HSPG2: variants seen among roughly 807,000 people sequenced by gnomAD.
The protein encoded by HSPG2 is basement membrane-specific heparan sulfate proteoglycan core protein.
HSPG2 carries 278 observed loss-of-function variants against 526.6 expected under a neutral mutation model. The ratio of observed to expected loss-of-function variants is 0.53; its 90% CI spans 0.48 to 0.58. The LOEUF (loss-of-function observed/expected upper bound fraction) is 0.58, where lower values mean the gene tolerates loss of function less well. Among genes scored for constraint, HSPG2 ranks in the 20% least tolerant of loss-of-function variants. HSPG2 has a pLI of 0.00. For missense variants in HSPG2, 5,354 were observed against 6,099.5 expected (o/e 0.88, Z 4.07); for synonymous variants, 2,465 against 2,555.4 (o/e 0.96, Z 1.07).
At chr1:21,842,625 G>T in intron 67 of HSPG2, 145 bp downstream of exon 67, 1 of 1,097,706 alleles carries the variant, frequency 9.1e-7, no homozygotes, top group Non-Finnish European at 1.3e-6. Flanking sequence ...CTCCTGATTT[G>T]CAGGCTGGTG....
At chr1:21,901,077 C>T (rs1281308063) in intron 1 of HSPG2, among the ~76,000 whole-genome samples, 1 of 152,082 alleles carries the variant, frequency 6.6e-6, no homozygotes, top group Non-Finnish European at 1.5e-5. Context: ...GGCACATGCT[C>T]TATGTCACCT....
Position 21,867,729 on chromosome 1 carries a change from CT to C in HSPG2, c.4222-1921del, listed in dbSNP as rs920500058. On this transcript the variant is annotated intron_variant, in intron 33 of 96. Coordinates refer to ENST00000374695, the MANE Select transcript of HSPG2 (RefSeq NM_005529.7). ...TGAATGTACCTTGTGACTGCCTATT[CT>C]TTTTTTTGTTTGTTTTTTGAGATGG... Among the ~76,000 whole-genome samples the C allele has an allele frequency of 2.0e-5, 3 of 151,912 alleles. No individual in the cohort carries two copies. In the South Asian group the frequency reaches 6.2e-4, roughly 32 times the overall value.
Position 21,854,961 on chromosome 1 carries a change from A to G in HSPG2, c.6020T>C (p.Ile2007Thr), listed in dbSNP as rs1286216015. The change falls in exon 48 of 97, where the codon ATC becomes ACC. Residue 2007 changes from isoleucine (I) to threonine (T), a missense_variant. By Grantham distance (89) the Ile-to-Thr change is moderately conservative. Coordinates refer to ENST00000374695, the MANE Select transcript of HSPG2 (RefSeq NM_005529.7). ...GATGGCTGGGATGAGCAGTGTCGCG[A>G]TGTCTGTGCGCTCTGACCGGGCCTG... The part of the protein sequence containing the change: ...PPQARSERTD[I>T]ATLLIPAITT... 3.7e-6 allele frequency: 6 copies of G among 1,613,566 alleles called. No homozygotes were observed. The highest frequency in any genetic ancestry group is 5.1e-6 in the Non-Finnish European group (6 of 1,180,010).
Position 21,876,492 on chromosome 1 carries a change from C to T in HSPG2, c.2826+20G>A, listed in dbSNP as rs368586940. ...CGGCCCAGGGCTTGGCGGTCCTGCC[C>T]GCCCACCTTGCAGAGGTACCTGGGC... is the stretch of plus-strand genomic sequence containing the variant. On this transcript the variant is annotated intron_variant, in intron 22 of 96. Coordinates refer to ENST00000374695, the MANE Select transcript of HSPG2 (RefSeq NM_005529.7). The T allele has an allele frequency of 3.4e-4, 549 of 1,613,790 alleles. 2 individuals carry two copies. In the East Asian group the frequency reaches 5.7e-3, roughly 17 times the overall value.
chr1:21,904,351 G>C lies in HSPG2; in HGVS notation c.64-8041C>G, dbSNP rs1159312596. ...AGGGAAGGGCACACGCTGAGGCCAGGGCTGGAGAGGGCACGGCACGTTCGC... is the reference window on the plus strand; with the variant it reads ...AGGGAAGGGCACACGCTGAGGCCAGCGCTGGAGAGGGCACGGCACGTTCGC... On this transcript the variant is annotated intron_variant, in intron 1 of 96. Coordinates refer to ENST00000374695, the MANE Select transcript of HSPG2 (RefSeq NM_005529.7). This position sits in a 1 kb window ranked among gnomAD's most constrained non-coding sequence, Gnocchi z 4.4. Among the ~76,000 whole-genome samples, 1 of 152,166 alleles carries C rather than the reference G, an allele frequency of 6.6e-6. No individual in the cohort carries two copies. Among genetic ancestry groups the C allele is most frequent in the Non-Finnish European group, 1.5e-5 (1 of 68,022 alleles).
rs1326295657 is a variant in HSPG2, at chr1:21,872,687, C to A, written c.3962G>T (p.Gly1321Val). The A allele has an allele frequency of 6.2e-7, 1 of 1,606,860 alleles. No individual in the cohort carries two copies. The highest frequency in any genetic ancestry group is 8.5e-7 in the Non-Finnish European group (1 of 1,177,654). ...HFHLSASNPD[G>V]CLPCFCMGIT... ...GCCCATACAGAAGCAGGGCAGGCAG[C>A]CGTCTGGGTTGCTGGCACTCAGGTG... is the stretch of plus-strand genomic sequence containing the variant. Residue 1321 changes from glycine (G) to valine (V), a missense_variant, in exon 32 of 97, where the codon GGC becomes GTC. By Grantham distance (109) the Gly-to-Val change is moderately radical. Transcript: ENST00000374695. The surrounding 1 kb of genome is among the most constrained non-coding windows in gnomAD (Gnocchi z 5.5).
Position 21,887,450 on chromosome 1 carries a change from A to G in HSPG2, c.928T>C (p.Cys310Arg). The change falls in exon 8 of 97, where the codon TGC becomes CGC. Residue 310 changes from cysteine to arginine, a missense_variant. By Grantham distance (180) the Cys-to-Arg change is radical. Coordinates refer to ENST00000374695, the MANE Select transcript of HSPG2 (RefSeq NM_005529.7). The surrounding 1 kb of genome is among the most constrained non-coding windows in gnomAD (Gnocchi z 5.0). ...RDYLCDGQED[C>R]EDGSDELDCG... ...TCTAGCTCATCGCTGCCGTCCTCGC[A>G]GTCCTCCTGTCCGTCGCAGAGGTAG... 2 of 1,614,006 alleles carry G rather than the reference A, an allele frequency of 1.2e-6. No homozygotes were observed. Among genetic ancestry groups the G allele is most frequent in the Non-Finnish European group, 1.7e-6 (2 of 1,179,992 alleles).
Position 21,887,123 on chromosome 1 carries a change from C to A in HSPG2, c.1078+92G>T. On this transcript the variant is annotated intron_variant, in intron 9 of 96. Transcript: ENST00000374695. This position sits in a 1 kb window ranked among gnomAD's most constrained non-coding sequence, Gnocchi z 5.0. ...CTGGGGAGGGGGGAAAGCGGAGGGG[C>A]AGGGTAGGGGCGGGGCAGGAGTGGA... 2 of 1,103,792 alleles carry A rather than the reference C, an allele frequency of 1.8e-6. No homozygotes were observed. The highest frequency in any genetic ancestry group is 2.4e-6 in the Non-Finnish European group (2 of 826,440). 68.4% of individuals were successfully genotyped at this position (1,103,792 alleles called of 1,614,324 possible).
At chr1:21,875,375 T>C (rs1640969133) in intron 25 of HSPG2, among the ~76,000 whole-genome samples, 1 of 152,124 alleles carries the variant, frequency 6.6e-6, no homozygotes, top group Non-Finnish European at 1.5e-5. Flanking sequence ...TATCCCTGCA[T>C]GGCCCCTCCC....
In HSPG2 at chr1:21,890,388, C is replaced by T. The variant is rs1642268279; in HGVS notation, c.413+39G>A. 3.1e-6 allele frequency: 5 copies of T among 1,602,048 alleles called. No individual in the cohort carries two copies. In the South Asian group the frequency reaches 3.3e-5, roughly 11 times the overall value. ...TCATCAGCCCCCTCCAGGTTACCCGCTCAAGTCCCCCAGCAGCCCCCAGGG... is the reference window on the plus strand; with the variant it reads ...TCATCAGCCCCCTCCAGGTTACCCGTTCAAGTCCCCCAGCAGCCCCCAGGG... On this transcript the variant is annotated intron_variant, in intron 5 of 96. Coordinates refer to ENST00000374695, the MANE Select transcript of HSPG2 (RefSeq NM_005529.7). This position sits in a 1 kb window ranked among gnomAD's most constrained non-coding sequence, Gnocchi z 4.1.
rs114537356 is a variant in HSPG2 at position 21,887,786 on chromosome 1, C to A, written c.704-112G>T. 0.017 allele frequency: 26,349 copies of A among 1,553,288 alleles called. 307 individuals carry two copies. The highest frequency in any genetic ancestry group is 0.02 in the Non-Finnish European group (22,247 of 1,127,354). ...TACTCCCCAACACCACTCCCTGCCA[C>A]CCCCTGCCTGGCTCTGTCATCACCC... is the stretch of plus-strand genomic sequence containing the variant. On this transcript the variant is annotated intron_variant, in intron 7 of 96. Transcript: ENST00000374695. The surrounding 1 kb of genome is among the most constrained non-coding windows in gnomAD (Gnocchi z 5.0).
At chr1:21,853,303 G>C (rs970560266) in intron 50 of HSPG2, among the ~76,000 whole-genome samples, 3 of 152,228 alleles carry the variant, frequency 2.0e-5, no homozygotes, top group Non-Finnish European at 4.4e-5. Flanking sequence ...ACTTCTTGAT[G>C]ATGAGCTCCT....
Position 21,872,559 on chromosome 1 carries a change from A to G in HSPG2, c.4029+61T>C. 1 of 1,548,054 alleles carries G rather than the reference A, an allele frequency of 6.5e-7. No homozygotes were observed. The highest frequency in any genetic ancestry group is 8.7e-7 in the Non-Finnish European group (1 of 1,144,082). On this transcript the variant is annotated intron_variant, in intron 32 of 96. Coordinates refer to ENST00000374695, the MANE Select transcript of HSPG2 (RefSeq NM_005529.7). This position sits in a 1 kb window ranked among gnomAD's most constrained non-coding sequence, Gnocchi z 5.5. Reference sequence around the variant, plus strand: ...GAGGGTCGCTGGGCTCAGTGCTCAGATGGACAGTAACAGGCAGCAGGTGGC... The same window carrying G: ...GAGGGTCGCTGGGCTCAGTGCTCAGGTGGACAGTAACAGGCAGCAGGTGGC...
Position 21,880,207 on chromosome 1 carries a change from T to C in HSPG2, c.2243A>G (p.His748Arg). ...SGLSCESCDAHFTRVPGGPYL... is the reference protein window; with the variant it reads ...SGLSCESCDARFTRVPGGPYL... ...GGGCCCACCAGGCACCCGAGTGAAG[T>C]GGGCATCACAGCTCTCGCAGGACAA... Residue 748 changes from histidine to arginine, a missense_variant, in exon 17 of 97, where the codon CAC becomes CGC. Coordinates refer to ENST00000374695, the MANE Select transcript of HSPG2 (RefSeq NM_005529.7). 1 of 1,614,096 alleles carries C rather than the reference T, an allele frequency of 6.2e-7. No individual in the cohort carries two copies. Among genetic ancestry groups the C allele is most frequent in the Non-Finnish European group, 8.5e-7 (1 of 1,180,018 alleles).
intron 1 of HSPG2, among the ~76,000 whole-genome samples, chr1:21,900,845 A>G (rs2152778002): frequency 6.6e-6 from 1 of 152,174 alleles, no homozygotes; most frequent in East Asian, 1.9e-4. Context: ...AGATTGCACC[A>G]CTGTACTCCA....
intron 15 of HSPG2, 29 bp downstream of exon 15, chr1:21,880,627 C>T (rs1641422097): frequency 1.3e-6 from 2 of 1,596,848 alleles, no homozygotes; most frequent in Non-Finnish European, 8.5e-7. Context: ...CCCTTTGCTC[C>T]CAGCCCTAAG....
chr1:21,925,026 G>C (rs1269977048), intron 1 of HSPG2, among the ~76,000 whole-genome samples: 1 of 152,206 alleles, frequency 6.6e-6, no homozygotes, highest in Admixed American at 6.5e-5. Context: ...CAAGATCCAA[G>C]GCATCCGGAG....
In HSPG2 at chr1:21,851,702, G is replaced by T. The variant is rs1247005142; in HGVS notation, c.7007-5C>A. 6.2e-7 allele frequency: 1 copy of T among 1,614,020 alleles called. No homozygotes were observed. ...TGGGCTGGGTGCTGCCGGCAGCTGAGGGATAAGATGGTCACCGGTCACTCC... is the reference window on the plus strand; with the variant it reads ...TGGGCTGGGTGCTGCCGGCAGCTGATGGATAAGATGGTCACCGGTCACTCC... On this transcript the variant is annotated splice_polypyrimidine_tract_variant and splice_region_variant and intron_variant, in intron 54 of 96. Transcript: ENST00000374695.
In HSPG2 at chr1:21,862,004, T is replaced by A. The variant is rs1639828308; in HGVS notation, c.4852A>T (p.Thr1618Ser). Reference protein sequence around the residue: ...EDCQPCACPLTNPENMFSRTC... With the variant: ...EDCQPCACPLSNPENMFSRTC... ...GGTACCCACATGTTCTCTGGGTTGG[T>A]CAGTGGGCAGGCACAGGGCTGGCAG... The change falls in exon 38 of 97, where the codon ACC becomes TCC. Residue 1618 changes from threonine (T) to serine (S), a missense_variant. Physicochemically the swap from Thr to Ser is moderately conservative, Grantham distance 58. Coordinates refer to ENST00000374695, the MANE Select transcript of HSPG2 (RefSeq NM_005529.7). The A allele has an allele frequency of 6.2e-7, 1 of 1,614,190 alleles. No homozygotes were observed. The highest frequency in any genetic ancestry group is 8.5e-7 in the Non-Finnish European group (1 of 1,180,024).
Sources: allele counts gnomAD v4.1 joint callset (sites outside exome capture counted in the v4.1 genomes callset), GRCh38; gene constraint gnomAD v4.1.1; non-coding constraint Gnocchi (gnomAD v3.1); transcripts MANE v1.5; gene names NCBI Gene and HGNC (gene_info 2026-07-23, HGNC 2026-07-21).